ZNF215: variants seen among roughly 807,000 people sequenced by gnomAD.
The protein encoded by ZNF215 is BWSCR2-associated zinc finger protein 2.
Under a neutral mutation model 27.2 loss-of-function variants are expected in ZNF215, and 24 were observed. That is an observed-to-expected ratio of 0.88 (90% confidence interval 0.64 to 1.24). The LOEUF is 1.24. Among genes scored for constraint, ZNF215 ranks in the 50% most tolerant of loss-of-function variants. The pLI, the probability that ZNF215 is intolerant of heterozygous loss-of-function variation, is 0.00. For missense variants in ZNF215, 675 were observed against 605.7 expected, an observed-to-expected ratio of 1.11 and a Z score of -1.20; for synonymous variants, 210 against 204.0, an observed-to-expected ratio of 1.03 and a Z score of -0.25.
rs1245764059 is a variant in ZNF215 at position 6,943,077 on chromosome 11, T to C, written c.484-6T>C. ...CCTTTGATTAAAAAGGAACTTAATGTTTTAGGAACCAGTGACATTCAAAGA... is the reference window on the plus strand; with the variant it reads ...CCTTTGATTAAAAAGGAACTTAATGCTTTAGGAACCAGTGACATTCAAAGA... On this transcript the variant is annotated splice_region_variant and splice_polypyrimidine_tract_variant and intron_variant, in intron 4 of 6. Transcript: ENST00000278319. 6.2e-7 allele frequency: 1 copy of C among 1,608,654 alleles called. No homozygotes were observed. Among genetic ancestry groups the C allele is most frequent in the Non-Finnish European group, 8.5e-7 (1 of 1,178,354 alleles).
chr11:6,949,723 G>T (rs1414647955), intron 6 of ZNF215, among the ~76,000 whole-genome samples: 3 of 152,136 alleles, frequency 2.0e-5, no homozygotes, highest in African/African-American at 7.2e-5. Context: ...CTGTGCAGAA[G>T]CTCTTTAGTT....
chr11:6,993,469 T>C (rs908256652), downstream of ZNF215, among the ~76,000 whole-genome samples: 4 of 152,170 alleles, frequency 2.6e-5, 1 homozygote, highest in East Asian at 1.9e-4. Flanking sequence ...CAATTTTAGG[T>C]ACTTCCTTCT....
intron 4 of ZNF215, 93 bp downstream of exon 4, chr11:6,941,746 T>A: frequency 7.6e-7 from 1 of 1,310,656 alleles, no homozygotes; most frequent in Middle Eastern, 1.8e-4. Flanking sequence ...GTGCCAAACA[T>A]GGTTCCATCC....
intron 5 of ZNF215, among the ~76,000 whole-genome samples, chr11:6,967,999 A>G (rs1485192679): frequency 1.3e-5 from 2 of 152,144 alleles, no homozygotes; most frequent in Non-Finnish European, 2.9e-5. Flanking sequence ...AGTTTTCTGC[A>G]TATGTCTAGC....
Position 6,955,962 on chromosome 11 carries a change from A to C in ZNF215, c.985A>C (p.Lys329Gln). 1 of 1,613,208 alleles carries C rather than the reference A, an allele frequency of 6.2e-7. No individual in the cohort carries two copies. The highest frequency in any genetic ancestry group is 1.1e-5 in the South Asian group (1 of 90,756). ...CAIQVGIPSR[K>Q]GSPKCDKFKT... ...TATACAAGTGGGAATTCCTTCAAGA[A>C]AGGGGTCTCCAAAATGTGATAAGTT... Residue 329 changes from lysine to glutamine, a missense_variant, in exon 7 of 7, where the codon AAG (lysine) becomes CAG (glutamine). Transcript: ENST00000278319.
intron 5 of ZNF215, among the ~76,000 whole-genome samples, chr11:6,982,065 T>C (rs755741304): frequency 2.4e-4 from 37 of 152,244 alleles, no homozygotes; most frequent in South Asian, 6.2e-4. Context: ...TTTGTTCTTT[T>C]GGCTTAGGAT....
At chr11:6,951,328 C>T (rs1475949895) in intron 6 of ZNF215, among the ~76,000 whole-genome samples, 2 of 151,980 alleles carry the variant, frequency 1.3e-5, no homozygotes, top group African/African-American at 2.4e-5. Context: ...CTCCTTGTAC[C>T]TCTGGTAGAA....
chr11:6,968,036 T>C lies in ZNF215; in HGVS notation c.805+12254T>C, dbSNP rs563180518. On this transcript the variant is annotated intron_variant, in intron 5 of 5. Coordinates refer to the ZNF215 transcript ENST00000529903. ...ACTTTTCCCAACACCATTTATTAAA[T>C]AGGGAATCCTTTCCCCATTACTTGT... is the stretch of plus-strand genomic sequence containing the variant. Among the ~76,000 whole-genome samples the C allele has an allele frequency of 9.8e-5, 15 of 152,332 alleles. No individual in the cohort carries two copies. The South Asian group carries it at 3.1e-3, about 32-fold the overall frequency.
chr11:6,932,787 A>G, intron 3 of ZNF215, 115 bp downstream of exon 3: 1 of 964,704 alleles, frequency 1.0e-6, no homozygotes, highest in East Asian at 2.6e-5. Context: ...ACTTTATATT[A>G]CTCTATTAGG....
chr11:6,945,707 C>CT (rs1269370805), intron 6 of ZNF215, among the ~76,000 whole-genome samples: 3 of 152,316 alleles, frequency 2.0e-5, no homozygotes, highest in African/African-American at 7.2e-5. Flanking sequence ...CTATCTCTGT[C>CT]TTTTGCAGAC....
intron 3 of ZNF215, 49 bp from the exon 4 acceptor site, chr11:6,941,522 G>T: frequency 6.6e-7 from 1 of 1,525,872 alleles, no homozygotes; most frequent in East Asian, 2.3e-5. Context: ...ATTAGAAGTT[G>T]CTCCAGGGCA....
Position 6,956,021 on chromosome 11 carries a change from A to G in ZNF215, c.1044A>G (p.Val348=), listed in dbSNP as rs746777177. The change falls in exon 7 of 7, where the codon GTA becomes GTG. Residue 348 remains valine, a synonymous_variant. Transcript: ENST00000278319. The stretch of plus-strand genomic sequence containing the variant: ...ACTTCAAATTTAATTTAGACTCAGT[A>G]GGTAAGCAACATTCAGAATATGAAT... ...KTYFKFNLDS[V]GKQHSEYEYG... 3.1e-6 allele frequency: 5 copies of G among 1,609,350 alleles called. No individual in the cohort carries two copies. In the South Asian group the frequency reaches 5.6e-5, roughly 18 times the overall value.
chr11:6,970,025 G>A (rs189860535), intron 5 of ZNF215, among the ~76,000 whole-genome samples: 93 of 152,158 alleles, frequency 6.1e-4, no homozygotes, highest in African/African-American at 1.8e-3. Context: ...TAAGTGACCC[G>A]CCTGCCTGGG....
At chr11:6,983,199 C>A (rs1289064332) in intron 5 of ZNF215, among the ~76,000 whole-genome samples, 1 of 152,172 alleles carries the variant, frequency 6.6e-6, no homozygotes, top group Non-Finnish European at 1.5e-5. Flanking sequence ...CCTCCCAAGA[C>A]TAAATCAGGA....
chr11:6,960,878 T>C (rs1005842008), downstream of ZNF215, among the ~76,000 whole-genome samples: 6 of 152,188 alleles, frequency 3.9e-5, 1 homozygote, highest in Admixed American at 2.0e-4. Context: ...AGTACTAAAC[T>C]GATTCCAATA....
intron 3 of ZNF215, among the ~76,000 whole-genome samples, chr11:6,937,834 G>A (rs775867143): frequency 1.1e-4 from 16 of 151,760 alleles, no homozygotes; most frequent in Non-Finnish European, 2.1e-4. Context: ...CTCATATCAT[G>A]TACAAAAATT....
downstream of ZNF215, among the ~76,000 whole-genome samples, chr11:6,991,548 C>T (rs1851118224): frequency 6.6e-6 from 1 of 152,232 alleles, no homozygotes; most frequent in Non-Finnish European, 1.5e-5. Context: ...CCCGCAACTG[C>T]TTTTTTACTT....
At chr11:6,953,910 T>G (rs1850200392) in intron 6 of ZNF215, among the ~76,000 whole-genome samples, 1 of 152,170 alleles carries the variant, frequency 6.6e-6, no homozygotes, top group South Asian at 2.1e-4. Flanking sequence ...CAGATGGGTT[T>G]TTGGTGTGGA....
intron 5 of ZNF215, among the ~76,000 whole-genome samples, chr11:6,966,184 A>G (rs1386004572): frequency 6.6e-6 from 1 of 152,190 alleles, no homozygotes; most frequent in African/African-American, 2.4e-5. Flanking sequence ...GCCATAAAAA[A>G]GAATGAAATC....
Sources: allele counts gnomAD v4.1 joint callset (sites outside exome capture counted in the v4.1 genomes callset), GRCh38; gene constraint gnomAD v4.1.1; transcripts MANE v1.5; gene names NCBI Gene and HGNC (gene_info 2026-07-23, HGNC 2026-07-21).